The following SCUBE2 variants were observed in gnomAD, a reference collection of about 807,000 sequenced individuals.
SCUBE2 encodes signal peptide, CUB and EGF-like domain-containing protein 2.
Under a neutral mutation model 125.9 loss-of-function variants are expected in SCUBE2, and 114 were observed. The observed-to-expected ratio is 0.91, with a 90% CI of 0.78 to 1.06. The LOEUF is 1.06. Ranked by LOEUF, SCUBE2 falls within the 50% of genes least tolerant of loss-of-function variation. SCUBE2 has a pLI of 0.00. For missense variants in SCUBE2, 1,255 were observed against 1,301.8 expected, an observed-to-expected ratio of 0.96 and a Z score of 0.55; for synonymous variants, 459 against 492.9, an observed-to-expected ratio of 0.93 and a Z score of 0.91.
intron 16 of SCUBE2, among the ~76,000 whole-genome samples, chr11:9,039,798 C>T (rs368520832): frequency 1.4e-4 from 22 of 152,278 alleles, no homozygotes; most frequent in African/African-American, 4.8e-4. Flanking sequence ...ACCCACAACT[C>T]GGGCGCAGGG....
rs1566166686 is a variant in SCUBE2 at position 9,029,979 on chromosome 11, G to A, written c.2408C>T (p.Thr803Ile). 1 of 1,614,226 alleles carries A rather than the reference G, an allele frequency of 6.2e-7. No individual in the cohort carries two copies. ...THRCIRCPVG[T>I]YQPEFGKNNC... is the part of the protein sequence containing the mutation. ...ATTTTTTCCAAATTCAGGCTGGTATGTTCCCACTGGGCAACGAATACATCG... is the reference window on the plus strand; with the variant it reads ...ATTTTTTCCAAATTCAGGCTGGTATATTCCCACTGGGCAACGAATACATCG... The change falls in exon 19 of 23, where the codon ACA becomes ATA. Residue 803 changes from threonine (T) to isoleucine (I), a missense_variant. Physicochemically the swap from Thr to Ile is moderately conservative, Grantham distance 89 (BLOSUM62 -1). Coordinates refer to ENST00000649792, the MANE Select transcript of SCUBE2 (RefSeq NM_001367977.2).
At chr11:9,070,428 C>A (rs554217246) in intron 4 of SCUBE2, among the ~76,000 whole-genome samples, 2 of 152,314 alleles carry the variant, frequency 1.3e-5, no homozygotes, top group South Asian at 4.1e-4. Context: ...TGAAGGAATT[C>A]TTTTCATACC....
Position 9,053,854 on chromosome 11 carries a change from G to A in SCUBE2, c.1208-95C>T, listed in dbSNP as rs919126524. 6.1e-6 allele frequency: 9 copies of A among 1,467,410 alleles called. No individual in the cohort carries two copies. The African/African-American group carries it at 7.0e-5, about 11-fold the overall frequency. The allele number at this position is 1,467,410 out of a possible 1,614,324, so 90.9% of individuals were successfully genotyped here. On this transcript the variant is annotated intron_variant, in intron 10 of 22. Transcript: ENST00000649792. ...GGAAGGAGCAGCAGGGGAGTCACAA[G>A]GTTGAAACTCACTAACCAAAGGAAG...
intron 16 of SCUBE2, among the ~76,000 whole-genome samples, chr11:9,041,810 G>T (rs920775441): frequency 1.3e-5 from 2 of 152,162 alleles, no homozygotes; most frequent in African/African-American, 2.4e-5. Context: ...TGGAGGGTTT[G>T]TTTGGTTTTT....
chr11:9,050,674 AGCT>A lies in SCUBE2; in HGVS notation c.1568_1570del (p.Lys523_Leu524delinsIle). ...TTTCAAACTACACTTGCCTTCATTT[AGCT>A]TAAAGGTTACACTTGTCCTGATGGT... On this transcript the variant is annotated inframe_deletion, in exon 14 of 23. Coordinates refer to ENST00000649792, the MANE Select transcript of SCUBE2 (RefSeq NM_001367977.2). 6.2e-7 allele frequency: 1 copy of A among 1,614,216 alleles called. No homozygotes were observed.
chr11:9,029,816 G>C, intron 19 of SCUBE2, 68 bp downstream of exon 19: 1 of 1,575,898 alleles, frequency 6.3e-7, no homozygotes, highest in Non-Finnish European at 8.7e-7. Context: ...CGTGCCCCCT[G>C]CTCTGAGGTG....
chr11:9,081,657 AAAACAAAC>A (rs148091168), intron 2 of SCUBE2, among the ~76,000 whole-genome samples: 4 of 144,498 alleles, frequency 2.8e-5, no homozygotes, highest in African/African-American at 5.1e-5. Flanking sequence ...CCACCTCAAA[AAAACAAAC>A]AAACAAACAA....
chr11:9,024,272 G>A (rs1256694292), intron 21 of SCUBE2: 2 of 1,082,780 alleles, frequency 1.8e-6, no homozygotes, highest in Admixed American at 4.1e-5. Context: ...ATTCCAGATA[G>A]GAGAGGTTGC....
rs374032621 is a variant in SCUBE2, at chr11:9,088,451, A to C, written c.256+1256T>G. On this transcript the variant is annotated intron_variant, in intron 2 of 22. Transcript: ENST00000649792. ...GGGATGAGGAGGCTTCAGTGAGCTG[A>C]GATCGCGCCATTGCACTCCAGCCTG... Among the ~76,000 whole-genome samples, 260 of 152,374 alleles carry C rather than the reference A, an allele frequency of 1.7e-3. 10 individuals are homozygous for C. The South Asian group carries it at 0.035, about 21-fold the overall frequency.
chr11:9,037,111 C>A (rs182632616), intron 16 of SCUBE2, among the ~76,000 whole-genome samples: 4 of 152,214 alleles, frequency 2.6e-5, no homozygotes, highest in East Asian at 3.8e-4. Flanking sequence ...TGAAGGGATG[C>A]CTGAAAACCG....
At chr11:9,053,359 CCCA>C (rs1858636176) in intron 11 of SCUBE2, 144 bp from the exon 12 acceptor site, 1 of 771,098 alleles carries the variant, frequency 1.3e-6, no homozygotes, top group Non-Finnish European at 2.1e-6. Flanking sequence ...AGGCCTTATT[CCCA>C]CCAAGGGAAA....
rs765147620 is a variant in SCUBE2, at chr11:9,021,180, C to A, written c.2952G>T (p.Lys984Asn). Reference protein sequence around the residue: ...QEILKDKKLIKALFDVLAHPQ... With the variant: ...QEILKDKKLINALFDVLAHPQ... ...GATGGGCCAGGACATCAAACAGAGC[C>A]TTGATAAGTTTCTTATCCTAAAAAG... Residue 984 changes from lysine to asparagine, a missense_variant, in exon 23 of 23, where the codon AAG (lysine) becomes AAT (asparagine). Lys to Asn is a moderately conservative substitution (Grantham distance 94). Around this residue, in one of 3 missense-constraint regions of SCUBE2, gnomAD observed 515 missense variants for 515.7 expected, o/e 1.00. Transcript: ENST00000649792. 6.3e-7 allele frequency: 1 copy of A among 1,577,388 alleles called. No homozygotes were observed. The highest frequency in any genetic ancestry group is 8.6e-7 in the Non-Finnish European group (1 of 1,164,474).
intron 2 of SCUBE2, among the ~76,000 whole-genome samples, chr11:9,081,470 T>C (rs1422650549): frequency 6.6e-6 from 1 of 152,208 alleles, no homozygotes; most frequent in East Asian, 1.9e-4. Context: ...ACTGGCTTGT[T>C]TCACTTAGCA....
intron 16 of SCUBE2, among the ~76,000 whole-genome samples, chr11:9,036,614 A>G (rs1403325421): frequency 6.6e-6 from 1 of 152,232 alleles, no homozygotes; most frequent in African/African-American, 2.4e-5. Flanking sequence ...AATGATTCCA[A>G]CAGCCCCATT....
intron 4 of SCUBE2, among the ~76,000 whole-genome samples, chr11:9,072,443 C>T (rs913221742): frequency 6.6e-5 from 10 of 152,068 alleles, no homozygotes; most frequent in Admixed American, 5.9e-4. Context: ...CTCCTGACCT[C>T]GTGATCTGCC....
intron 16 of SCUBE2, among the ~76,000 whole-genome samples, chr11:9,035,895 T>C (rs565503977): frequency 6.6e-6 from 1 of 152,276 alleles, no homozygotes; most frequent in African/African-American, 2.4e-5. Context: ...TTTATATATA[T>C]AGATTTTTTG....
At chr11:9,037,811 G>A (rs1428078166) in intron 16 of SCUBE2, among the ~76,000 whole-genome samples, 1 of 152,226 alleles carries the variant, frequency 6.6e-6, no homozygotes, top group Non-Finnish European at 1.5e-5. Flanking sequence ...CATTCCTGTA[G>A]TTGAGGCAGA....
intron 18 of SCUBE2, chr11:9,030,334 C>T (rs894541981): frequency 5.5e-5 from 26 of 473,648 alleles, no homozygotes; most frequent in East Asian, 3.1e-4. Context: ...ATGCAGAGCA[C>T]GTCTGTGAGT....
chr11:9,078,465 A>G (rs145559310), intron 3 of SCUBE2, among the ~76,000 whole-genome samples: 1 of 152,304 alleles, frequency 6.6e-6, no homozygotes, highest in Non-Finnish European at 1.5e-5. Flanking sequence ...CCAACACACA[A>G]CACACAAGTT....
Sources: gnomAD v4.1 joint callset for allele counts (sites outside exome capture counted in the v4.1 genomes callset) on GRCh38, gnomAD v4.1.1 for gene constraint, gnomAD v4.1.1 regional missense constraint, MANE v1.5 for transcripts, NCBI Gene and HGNC (gene_info 2026-07-23, HGNC 2026-07-21) for gene names.